NELL2: variants seen among roughly 807,000 people sequenced by gnomAD.
NELL2 encodes protein kinase C-binding protein NELL2.
A neutral mutation model predicts 109.6 loss-of-function variants in NELL2; 41 were observed. The ratio of observed to expected loss-of-function variants is 0.37; its 90% CI spans 0.29 to 0.49. The LOEUF is 0.49. Ranked by LOEUF, NELL2 falls within the 20% of genes least tolerant of loss-of-function variation. The pLI is 0.98. For missense variants in NELL2, 900 were observed against 1,008.3 expected (o/e 0.89, Z 1.45); for synonymous variants, 355 against 344.7 (o/e 1.03, Z -0.33).
At chr12:44,579,716 A>G (rs1183892375) in intron 15 of NELL2, among the ~76,000 whole-genome samples, 2 of 152,184 alleles carry the variant, frequency 1.3e-5, no homozygotes, top group Admixed American at 1.3e-4. Context: ...ACTGTATTAA[A>G]TCAATAGGGT....
chr12:44,880,550 G>C (rs1172433503), upstream of NELL2, among the ~76,000 whole-genome samples: 1 of 151,946 alleles, frequency 6.6e-6, no homozygotes. Context: ...ACTAGTTAGA[G>C]ATGTGGAATA....
intron 15 of NELL2, among the ~76,000 whole-genome samples, chr12:44,544,301 G>C (rs534101196): frequency 1.3e-5 from 2 of 152,056 alleles, no homozygotes; most frequent in Non-Finnish European, 2.9e-5. Context: ...GTCTGAAATT[G>C]ATCAATTAAA....
At chr12:44,693,538 CA>C (rs1948966743) in intron 12 of NELL2, among the ~76,000 whole-genome samples, 2 of 152,276 alleles carry the variant, frequency 1.3e-5, no homozygotes, top group African/African-American at 4.8e-5. Context: ...AGAACGGTTT[CA>C]TCTTTATCAG....
chr12:44,803,663 T>C (rs551906699), intron 3 of NELL2, among the ~76,000 whole-genome samples: 45 of 152,110 alleles, frequency 3.0e-4, no homozygotes, highest in African/African-American at 9.9e-4. Flanking sequence ...ATGCTGCATA[T>C]ATGTGATGGA....
intron 1 of NELL2, among the ~76,000 whole-genome samples, chr12:44,888,059 T>G (rs1245994732): frequency 6.6e-6 from 1 of 152,064 alleles, no homozygotes; most frequent in Non-Finnish European, 1.5e-5. Context: ...TGCATATGTT[T>G]ACCCAATTTT....
chr12:44,668,427 A>T (rs1948015463), intron 12 of NELL2, among the ~76,000 whole-genome samples: 1 of 151,894 alleles, frequency 6.6e-6, no homozygotes, highest in East Asian at 1.9e-4. Flanking sequence ...TGTCCCACCC[A>T]ATGCCCCTGC....
intron 12 of NELL2, among the ~76,000 whole-genome samples, chr12:44,677,328 A>G (rs146635424): frequency 3.0e-4 from 46 of 152,222 alleles, no homozygotes; most frequent in Non-Finnish European, 6.0e-4. Flanking sequence ...TTATTCTAAA[A>G]CATGTCATAT....
At chr12:44,904,210 T>C (rs1036735779) in intron 1 of NELL2, among the ~76,000 whole-genome samples, 1 of 152,072 alleles carries the variant, frequency 6.6e-6, no homozygotes, top group Non-Finnish European at 1.5e-5. Flanking sequence ...AAAACTTATG[T>C]TACTTCATTG....
At chr12:44,683,741 G>C (rs1948612538) in intron 12 of NELL2, among the ~76,000 whole-genome samples, 1 of 152,156 alleles carries the variant, frequency 6.6e-6, no homozygotes, top group South Asian at 2.1e-4. Context: ...TGCGTATGTT[G>C]AAACAGCCTT....
intron 3 of NELL2, among the ~76,000 whole-genome samples, chr12:44,785,129 A>G (rs974507726): frequency 6.6e-6 from 1 of 152,120 alleles, no homozygotes; most frequent in Admixed American, 6.6e-5. Flanking sequence ...TATTTAGAAA[A>G]CCCCATCATC....
At chr12:44,691,801 G>A (rs1219154923) in intron 12 of NELL2, among the ~76,000 whole-genome samples, 1 of 152,198 alleles carries the variant, frequency 6.6e-6, no homozygotes, top group Non-Finnish European at 1.5e-5. Context: ...GCCTAATCAA[G>A]AGCAAGGCCT....
intron 2 of NELL2, among the ~76,000 whole-genome samples, chr12:44,865,229 C>A: frequency 8.4e-6 from 1 of 119,050 alleles, no homozygotes; most frequent in Non-Finnish European, 1.7e-5. Flanking sequence ...TTGTTTTTTT[C>A]TTGTAAATTT....
At chr12:44,743,933 C>G (rs1940165533) in intron 9 of NELL2, among the ~76,000 whole-genome samples, 1 of 152,138 alleles carries the variant, frequency 6.6e-6, no homozygotes, top group African/African-American at 2.4e-5. Flanking sequence ...TTGAACTCAG[C>G]TCTGCACCAA....
At chr12:44,715,528 C>A (rs1239927322) in intron 9 of NELL2, among the ~76,000 whole-genome samples, 6 of 151,946 alleles carry the variant, frequency 3.9e-5, no homozygotes, top group Admixed American at 3.9e-4. Context: ...TAAGGTGAAA[C>A]AGATTTACCC....
intron 9 of NELL2, among the ~76,000 whole-genome samples, chr12:44,754,989 A>G (rs1940820535): frequency 6.6e-6 from 1 of 152,154 alleles, no homozygotes; most frequent in Non-Finnish European, 1.5e-5. Context: ...AACTAGATCC[A>G]TTCATTTGTT....
At chr12:44,861,205 G>A (rs140449197) in intron 2 of NELL2, among the ~76,000 whole-genome samples, 2 of 152,290 alleles carry the variant, frequency 1.3e-5, no homozygotes, top group African/African-American at 4.8e-5. Flanking sequence ...AGGCAGCACA[G>A]CATGGAAAGC....
intron 9 of NELL2, among the ~76,000 whole-genome samples, chr12:44,734,231 T>G (rs1394465926): frequency 6.6e-6 from 1 of 151,976 alleles, no homozygotes; most frequent in Non-Finnish European, 1.5e-5. Context: ...TTATAATTAT[T>G]AAGTAATTCT....
intron 1 of NELL2, among the ~76,000 whole-genome samples, chr12:44,902,033 T>C (rs907653917): frequency 8.5e-5 from 13 of 152,092 alleles, no homozygotes; most frequent in Non-Finnish European, 1.5e-4. Context: ...TTCAACATAG[T>C]TTTGAAAGTT....
intron 11 of NELL2, among the ~76,000 whole-genome samples, chr12:44,709,626 G>A (rs1938083777): frequency 6.6e-6 from 1 of 152,144 alleles, no homozygotes; most frequent in African/African-American, 2.4e-5. Flanking sequence ...CAGAAATAGA[G>A]AACTACTAAA....
Sources: allele counts gnomAD v4.1 joint callset (sites outside exome capture counted in the v4.1 genomes callset), GRCh38; gene constraint gnomAD v4.1.1; transcripts MANE v1.5; gene names NCBI Gene and HGNC (gene_info 2026-07-23, HGNC 2026-07-21).